ATXN10: variants seen among roughly 807,000 people sequenced by gnomAD.
ATXN10 encodes ataxin-10.
Under a neutral mutation model 52.9 loss-of-function variants are expected in ATXN10, and 28 were observed. That is an observed-to-expected ratio of 0.53 (90% CI 0.39 to 0.73). The LOEUF (loss-of-function observed/expected upper bound fraction) is 0.73, where lower values mean the gene tolerates loss of function less well. ATXN10 is among the 30% of genes least tolerant of loss of function. The pLI is 0.00. For missense variants in ATXN10, 565 were observed against 577.0 expected, an observed-to-expected ratio of 0.98 and a Z score of 0.21; for synonymous variants, 226 against 221.5, an observed-to-expected ratio of 1.02 and a Z score of -0.18.
chr22:45,705,593 C>A lies in ATXN10; in HGVS notation c.647+2746C>A, dbSNP rs138144. On this transcript the variant is annotated intron_variant, in intron 5 of 11. Transcript: ENST00000252934. This position sits in a 1 kb window ranked among gnomAD's most constrained non-coding sequence, Gnocchi z 5.2. Reference sequence around the variant, plus strand: ...GATTGCAGGTGCCCGCCACCACACCCGGCTAATTTTTTTTGTATTTTTAGT... The same window carrying A: ...GATTGCAGGTGCCCGCCACCACACCAGGCTAATTTTTTTTGTATTTTTAGT... Among the ~76,000 whole-genome samples the A allele has an allele frequency of 1.3e-5, 2 of 152,152 alleles. No homozygotes were observed. The highest frequency in any genetic ancestry group is 4.2e-4 in the South Asian group (2 of 4,810).
rs80005624 is a variant in ATXN10, at chr22:45,733,756, T to TAA, written c.894+4179_894+4180dup. Among the ~76,000 whole-genome samples the TAA allele has an allele frequency of 7.1e-6, 1 of 141,700 alleles. No individual in the cohort carries two copies. 93.0% of individuals were successfully genotyped at this position (141,700 alleles called of 152,430 possible). A position where few individuals can be genotyped will look rare whatever the true frequency, so the allele number is the denominator to read the frequency against. Reference sequence around the variant, plus strand: ...GGGCGACAGAGCAAGACTCCCATCTTAAAAAAAAAAAAAAGTTACAAAGTT... The same window carrying TAA: ...GGGCGACAGAGCAAGACTCCCATCTTAAAAAAAAAAAAAAAAGTTACAAAGTT... On this transcript the variant is annotated intron_variant, in intron 7 of 11. Transcript: ENST00000252934. The surrounding 1 kb of genome is among the most constrained non-coding windows in gnomAD (Gnocchi z 4.4).
rs1423051999 is a variant in ATXN10 at position 45,770,956 on chromosome 22, G to A, written c.1173+30418G>A. ...GAGAGAAGAACCCAGATCCATCCTG[G>A]GAGCACTCGAGGCCAGCCCTTTTGG... is the stretch of plus-strand genomic sequence containing the variant. On this transcript the variant is annotated intron_variant, in intron 9 of 11. Transcript: ENST00000252934. This position sits in a 1 kb window ranked among gnomAD's most constrained non-coding sequence, Gnocchi z 4.5. Among the ~76,000 whole-genome samples, 3 of 152,148 alleles carry A rather than the reference G, an allele frequency of 2.0e-5. No homozygotes were observed. Among genetic ancestry groups the A allele is most frequent in the African/African-American group, 7.2e-5 (3 of 41,428 alleles).
chr22:45,768,463 C>G lies in ATXN10; in HGVS notation c.1173+27925C>G, dbSNP rs1320405562. Among the ~76,000 whole-genome samples the G allele has an allele frequency of 2.6e-5, 4 of 152,144 alleles. No individual in the cohort carries two copies. In the East Asian group the frequency reaches 7.7e-4, roughly 29 times the overall value. ...TAAAAAACACAAAAATCCCATAGTT[C>G]GTAATGATGCTAAGAATGTATGCAG... On this transcript the variant is annotated intron_variant, in intron 9 of 11. Coordinates refer to ENST00000252934, the MANE Select transcript of ATXN10 (RefSeq NM_013236.4).
At chr22:45,694,158 T>C (rs938402985) in intron 3 of ATXN10, among the ~76,000 whole-genome samples, 6 of 152,192 alleles carry the variant, frequency 3.9e-5, no homozygotes, top group African/African-American at 1.4e-4. Context: ...GACTTGGGAT[T>C]AAGAGAAACA....
Position 45,762,566 on chromosome 22 carries a change from C to T in ATXN10, c.1173+22028C>T, listed in dbSNP as rs1926435037. ...CTGTCTGGCCAGGGTGCTTCCTCCT[C>T]GCTCTCCAGCTGGCTGAAGGGAAGC... On this transcript the variant is annotated intron_variant, in intron 9 of 11. Coordinates refer to ENST00000252934, the MANE Select transcript of ATXN10 (RefSeq NM_013236.4). This position sits in a 1 kb window ranked among gnomAD's most constrained non-coding sequence, Gnocchi z 4.3. Among the ~76,000 whole-genome samples the T allele has an allele frequency of 6.6e-6, 1 of 152,138 alleles. No individual in the cohort carries two copies. The highest frequency in any genetic ancestry group is 2.4e-5 in the African/African-American group (1 of 41,426).
Position 45,789,234 on chromosome 22 carries a change from A to AT in ATXN10, c.1174-17722dup, listed in dbSNP as rs1422280975. ...TATTTATTTTATAGGAATTACCATA[A>AT]TTTGTAAATGTATTTTTAGTTATTA... On this transcript the variant is annotated intron_variant, in intron 9 of 11. Coordinates refer to ENST00000252934, the MANE Select transcript of ATXN10 (RefSeq NM_013236.4). This position sits in a 1 kb window ranked among gnomAD's most constrained non-coding sequence, Gnocchi z 4.0. 6.6e-6 allele frequency among the ~76,000 whole-genome samples: 1 copy of AT among 152,186 alleles called. No individual in the cohort carries two copies. Among genetic ancestry groups the AT allele is most frequent in the Non-Finnish European group, 1.5e-5 (1 of 68,052 alleles).
rs1922925058 is a variant in ATXN10, at chr22:45,681,605, A to C, written c.117-8107A>C. 6.6e-6 allele frequency among the ~76,000 whole-genome samples: 1 copy of C among 151,890 alleles called. No individual in the cohort carries two copies. Among genetic ancestry groups the C allele is most frequent in the African/African-American group, 2.4e-5 (1 of 41,338 alleles). ...AACTTTGTTATGTTTGCCTGGTAAAACTCCAGCTCTGGTCAAATCCAACTT... is the reference window on the plus strand; with the variant it reads ...AACTTTGTTATGTTTGCCTGGTAAACCTCCAGCTCTGGTCAAATCCAACTT... On this transcript the variant is annotated intron_variant, in intron 1 of 11. Transcript: ENST00000252934. The surrounding 1 kb of genome is among the most constrained non-coding windows in gnomAD (Gnocchi z 4.2).
At position 45,678,968 on chromosome 22, in the gene ATXN10, A is replaced by G. The variant is rs1922808091; in HGVS notation, c.116+6789A>G. ...ATTTATATTTACAAAATAAATTTGT[A>G]AATTTGTAAATATAAATGTCTTAAG... On this transcript the variant is annotated intron_variant, in intron 1 of 11. Transcript: ENST00000252934. This position sits in a 1 kb window ranked among gnomAD's most constrained non-coding sequence, Gnocchi z 4.1. 6.6e-6 allele frequency: 1 copy of G among 152,254 alleles called. No homozygotes were observed. The highest frequency in any genetic ancestry group is 1.5e-5 in the Non-Finnish European group (1 of 68,044). The allele number at this position is 152,254 out of a possible 1,614,324, so 9.4% of individuals were successfully genotyped here.
rs1011951078 is a variant in ATXN10, at chr22:45,790,898, A to C, written c.1174-16061A>C. ...CTCTCTCTCCCTCTCTCTGTCGCCC[A>C]ATCTGCAGTGCAGTGGCACAGACAT... On this transcript the variant is annotated intron_variant, in intron 9 of 11. Coordinates refer to ENST00000252934, the MANE Select transcript of ATXN10 (RefSeq NM_013236.4). This position sits in a 1 kb window ranked among gnomAD's most constrained non-coding sequence, Gnocchi z 4.7. 1.3e-5 allele frequency among the ~76,000 whole-genome samples: 2 copies of C among 152,110 alleles called. No homozygotes were observed. The highest frequency in any genetic ancestry group is 4.8e-5 in the African/African-American group (2 of 41,398).
intron 10 of ATXN10, among the ~76,000 whole-genome samples, chr22:45,810,475 TACCTGTACACACACAGAAA>T: frequency 6.6e-6 from 1 of 152,370 alleles, no homozygotes; most frequent in South Asian, 2.1e-4. Flanking sequence ...TACATGTATA[TACCTGTACACACACAGAAA>T]ACCTCGTTTA....
At chr22:45,758,781 G>T (rs1430461815) in intron 9 of ATXN10, among the ~76,000 whole-genome samples, 1 of 152,246 alleles carries the variant, frequency 6.6e-6, no homozygotes, top group Admixed American at 6.5e-5. Context: ...GCAAGCTCTT[G>T]ATGCATAGCT....
intron 9 of ATXN10, among the ~76,000 whole-genome samples, chr22:45,748,026 G>A (rs1027016996): frequency 3.9e-5 from 6 of 151,946 alleles, no homozygotes; most frequent in Middle Eastern, 3.2e-3. Flanking sequence ...TAATAAGACC[G>A]TTTCTCTAAA....
At chr22:45,703,747 A>G in intron 5 of ATXN10, among the ~76,000 whole-genome samples, 1 of 152,234 alleles carries the variant, frequency 6.6e-6, no homozygotes, top group South Asian at 2.1e-4. Flanking sequence ...ATTGTGAGGT[A>G]TCCCACTCCT....
At position 45,733,565 on chromosome 22, in the gene ATXN10, G is replaced by A. The variant is rs773988176; in HGVS notation, c.894+3975G>A. 5.3e-5 allele frequency among the ~76,000 whole-genome samples: 8 copies of A among 152,086 alleles called. No individual in the cohort carries two copies. The highest frequency in any genetic ancestry group is 3.4e-3 in the Middle Eastern group (1 of 292). On this transcript the variant is annotated intron_variant, in intron 7 of 11. Transcript: ENST00000252934. The surrounding 1 kb of genome is among the most constrained non-coding windows in gnomAD (Gnocchi z 4.4). ...GCCTGACTAACATGGTGAGACCCCC[G>A]TCTCTACTAAAAATACAAAAATTAG...
At position 45,728,301 on chromosome 22, in the gene ATXN10, A is replaced by C. The variant is rs1266441313; in HGVS notation, c.729-1124A>C. ...AAAGATTATATATAAATAAGGGAAA[A>C]CAGAAATTCTCTAATACTGTGCTCA... On this transcript the variant is annotated intron_variant, in intron 6 of 11. Coordinates refer to ENST00000252934, the MANE Select transcript of ATXN10 (RefSeq NM_013236.4). This position sits in a 1 kb window ranked among gnomAD's most constrained non-coding sequence, Gnocchi z 4.3. Among the ~76,000 whole-genome samples the C allele has an allele frequency of 1.3e-5, 2 of 152,174 alleles. No individual in the cohort carries two copies. The highest frequency in any genetic ancestry group is 4.8e-5 in the African/African-American group (2 of 41,446).
intron 10 of ATXN10, among the ~76,000 whole-genome samples, chr22:45,836,141 C>G (rs1172347033): frequency 6.6e-6 from 1 of 152,154 alleles, no homozygotes; most frequent in African/African-American, 2.4e-5. Context: ...CAGCGTCATG[C>G]AGGGAGACCC....
At chr22:45,749,391 C>G (rs1464899731) in intron 9 of ATXN10, among the ~76,000 whole-genome samples, 27 of 152,170 alleles carry the variant, frequency 1.8e-4, no homozygotes, top group Admixed American at 1.8e-3. Context: ...ACCGTCACCA[C>G]AAAAGAAGAT....
In ATXN10 at chr22:45,715,390, A is replaced by G. The variant is rs1489320189; in HGVS notation, c.648-3023A>G. On this transcript the variant is annotated intron_variant, in intron 5 of 11. Coordinates refer to ENST00000252934, the MANE Select transcript of ATXN10 (RefSeq NM_013236.4). The surrounding 1 kb of genome is among the most constrained non-coding windows in gnomAD (Gnocchi z 4.4). ...CATAGACAAATATCAGTATAGACTG[A>G]TGTTTTATACATTATATAAACATGA... 6.6e-6 allele frequency among the ~76,000 whole-genome samples: 1 copy of G among 152,212 alleles called. No homozygotes were observed. The highest frequency in any genetic ancestry group is 2.4e-5 in the African/African-American group (1 of 41,468).
chr22:45,686,535 G>A (rs754527296), intron 1 of ATXN10, among the ~76,000 whole-genome samples: 24 of 152,092 alleles, frequency 1.6e-4, no homozygotes, highest in Non-Finnish European at 2.9e-4. Flanking sequence ...GAAAGGAGAT[G>A]CAGGCCAGGC....
Sources: allele counts gnomAD v4.1 joint callset (sites outside exome capture counted in the v4.1 genomes callset), GRCh38; gene constraint gnomAD v4.1.1; non-coding constraint Gnocchi (gnomAD v3.1); transcripts MANE v1.5; gene names NCBI Gene and HGNC (gene_info 2026-07-23, HGNC 2026-07-21).